DPH1: variants seen among roughly 807,000 people sequenced by gnomAD.
The protein encoded by DPH1 is diphthamide biosynthesis 1.
A neutral mutation model predicts 55.3 loss-of-function variants in DPH1; 59 were observed. That is an observed-to-expected ratio of 1.07 (90% CI 0.87 to 1.33). The LOEUF (loss-of-function observed/expected upper bound fraction) is 1.33. Ranked by LOEUF, DPH1 falls within the 40% of genes most tolerant of loss-of-function variation. The probability of loss-of-function intolerance (pLI) is 0.00; values close to 1 mark genes in which losing one functional copy is unlikely to be tolerated. For synonymous variants in DPH1, 238 were observed against 235.5 expected (o/e 1.01, Z -0.10); for missense variants, 628 against 584.8 (o/e 1.07, Z -0.76).
chr17:2,039,864 G>C, intron 7 of DPH1, 41 bp downstream of exon 7: 1 of 1,613,376 alleles, frequency 6.2e-7, no homozygotes, highest in South Asian at 1.1e-5. Context: ...CTGGTGAGGG[G>C]TGAGATTCCC....
intron 9 of DPH1, chr17:2,040,888 G>A: frequency 1.6e-6 from 1 of 642,478 alleles, no homozygotes. Flanking sequence ...ACTATCACCA[G>A]TGAGCTGCCC....
chr17:2,034,636 CCCCTT>C (rs1488914750), intron 3 of DPH1, among the ~76,000 whole-genome samples: 1 of 30,086 alleles, frequency 3.3e-5, no homozygotes, highest in Admixed American at 2.6e-4. Flanking sequence ...TCTCTCCCCT[CCCCTT>C]CCCCCTCCCC....
chr17:2,040,204 T>C lies in DPH1; in HGVS notation c.750-14T>C. 3 of 1,613,434 alleles carry C rather than the reference T, an allele frequency of 1.9e-6. No individual in the cohort carries two copies. Among genetic ancestry groups the C allele is most frequent in the Non-Finnish European group, 2.5e-6 (3 of 1,179,872 alleles). On this transcript the variant is annotated splice_polypyrimidine_tract_variant and intron_variant, in intron 7 of 12. Coordinates refer to ENST00000263083, the MANE Select transcript of DPH1 (RefSeq NM_001383.6). Reference sequence around the variant, plus strand: ...CAGTGGCTGCCACAGTGACCCTGACTGCTTCTTTTCCAGGTATGACCCATA... The same window carrying C: ...CAGTGGCTGCCACAGTGACCCTGACCGCTTCTTTTCCAGGTATGACCCATA...
At chr17:2,033,864 A>C (rs1219790036) in intron 3 of DPH1, 22 bp downstream of exon 3, 1 of 1,613,452 alleles carries the variant, frequency 6.2e-7, no homozygotes, top group Non-Finnish European at 8.5e-7. Context: ...GGCACTGGAG[A>C]GGAGGGTGAG....
At position 2,041,685 on chromosome 17, in the gene DPH1, C is replaced by T. The variant is rs2067527661; in HGVS notation, c.1227+64C>T. The T allele has an allele frequency of 2.5e-6, 4 of 1,577,478 alleles. No homozygotes were observed. The African/African-American group carries it at 5.4e-5, about 21-fold the overall frequency. ...TGGGCACTGGCCGCCGCCCTGCGAC[C>T]GCGACGGGAAACGCACAGGAGCGGA... On this transcript the variant is annotated intron_variant, in intron 11 of 12. Transcript: ENST00000263083.
Position 2,036,106 on chromosome 17 carries a change from G to A in DPH1, c.400+15G>A, listed in dbSNP as rs1229214678. On this transcript the variant is annotated intron_variant, in intron 4 of 12. Transcript: ENST00000263083. The surrounding 1 kb of genome is among the most constrained non-coding windows in gnomAD (Gnocchi z 4.8). ...CAGTTGCCTGAGTATGGTGGGGCCA[G>A]GACACCTGGACGGTGGCGGGGCTGG... 1.2e-6 allele frequency: 2 copies of A among 1,612,952 alleles called. No individual in the cohort carries two copies. Among genetic ancestry groups the A allele is most frequent in the Non-Finnish European group, 1.7e-6 (2 of 1,179,360 alleles).
rs746354384 is a variant in DPH1 at position 2,042,888 on chromosome 17, T to G, written c.*302T>G. On this transcript the variant is annotated 3_prime_UTR_variant, in exon 13 of 13. Coordinates refer to ENST00000263083, the MANE Select transcript of DPH1 (RefSeq NM_001383.6). ...TGTCTGGTTTCTGTCCCCGGGGCATTGGGTTCAAGGAATCCATCCTGCAAA... is the reference window on the plus strand; with the variant it reads ...TGTCTGGTTTCTGTCCCCGGGGCATGGGGTTCAAGGAATCCATCCTGCAAA... 1 of 1,614,072 alleles carries G rather than the reference T, an allele frequency of 6.2e-7. No homozygotes were observed. Among genetic ancestry groups the G allele is most frequent in the Non-Finnish European group, 8.5e-7 (1 of 1,180,040 alleles).
In DPH1 at chr17:2,042,786, TGC is replaced by T; in HGVS notation, c.*203_*204del. The T allele has an allele frequency of 6.2e-7, 1 of 1,612,746 alleles. No homozygotes were observed. Among genetic ancestry groups the T allele is most frequent in the Non-Finnish European group, 8.5e-7 (1 of 1,179,610 alleles). Reference sequence around the variant, plus strand: ...GCCTTCTTGGTTTCAGCCAAGGGGCTGCGCTAGCAGCCCTTGTGTGTGCCCTG... The same window carrying T: ...GCCTTCTTGGTTTCAGCCAAGGGGCTGCTAGCAGCCCTTGTGTGTGCCCTG... On this transcript the variant is annotated 3_prime_UTR_variant, in exon 13 of 13. Transcript: ENST00000263083.
In DPH1 at chr17:2,033,855, G is replaced by T; in HGVS notation, c.278+13G>T. Reference sequence around the variant, plus strand: ...ATATCTTGGAAAGGTGAGGCTTGGGGCACTGGAGAGGAGGGTGAGCCAGGC... The same window carrying T: ...ATATCTTGGAAAGGTGAGGCTTGGGTCACTGGAGAGGAGGGTGAGCCAGGC... On this transcript the variant is annotated intron_variant, in intron 3 of 12. Coordinates refer to ENST00000263083, the MANE Select transcript of DPH1 (RefSeq NM_001383.6). 1.2e-6 allele frequency: 2 copies of T among 1,613,900 alleles called. No homozygotes were observed. The highest frequency in any genetic ancestry group is 8.5e-7 in the Non-Finnish European group (1 of 1,179,984).
intron 1 of DPH1, among the ~76,000 whole-genome samples, chr17:2,032,872 C>T (rs570819104): frequency 6.6e-6 from 1 of 152,202 alleles, no homozygotes; most frequent in Non-Finnish European, 1.5e-5. Flanking sequence ...GCTGGGACTA[C>T]AGGTGCCTGC....
intron 1 of DPH1, among the ~76,000 whole-genome samples, chr17:2,031,510 C>T (rs1237509050): frequency 1.4e-5 from 2 of 138,608 alleles, no homozygotes; most frequent in Non-Finnish European, 3.0e-5. Flanking sequence ...TGCAGTGAGC[C>T]GAGATTGCAC....
intron 6 of DPH1, 27 bp from the exon 7 acceptor site, chr17:2,039,728 C>T: frequency 6.2e-7 from 1 of 1,614,080 alleles, no homozygotes; most frequent in Non-Finnish European, 8.5e-7. Flanking sequence ...CCCTAAACCA[C>T]ACTTAGCCTC....
intron 12 of DPH1, 61 bp downstream of exon 12, chr17:2,041,936 G>T (rs972061197): frequency 5.2e-6 from 8 of 1,528,500 alleles, no homozygotes; most frequent in Middle Eastern, 2.1e-4. Context: ...ACGCCTTGGC[G>T]CTCCGAGGCC....
In DPH1 at chr17:2,033,603, A is replaced by T. The variant is rs1404359429; in HGVS notation, c.160A>T (p.Asn54Tyr). The change falls in exon 2 of 13, where the codon AAC (asparagine) becomes TAC (tyrosine). Residue 54 changes from asparagine (N) to tyrosine (Y), a missense_variant. Transcript: ENST00000263083. ...AATCCGGGTCCTGCCTTCCAACTAC[A>T]ACTTTGAGATCCCCAAGACCATCTG... ...AAIRVLPSNY[N>Y]FEIPKTIWRI... 6.2e-7 allele frequency: 1 copy of T among 1,614,144 alleles called. No individual in the cohort carries two copies. Among genetic ancestry groups the T allele is most frequent in the Admixed American group, 1.7e-5 (1 of 60,014 alleles).
At position 2,041,525 on chromosome 17, in the gene DPH1, G is replaced by A. The variant is rs763295600; in HGVS notation, c.1131G>A (p.Pro377=). 4 of 1,612,972 alleles carry A rather than the reference G, an allele frequency of 2.5e-6. No individual in the cohort carries two copies. The South Asian group carries it at 3.3e-5, about 13-fold the overall frequency. The change falls in exon 11 of 13, where the codon CCG becomes CCA. Residue 377 remains proline (P), a synonymous_variant. Coordinates refer to ENST00000263083, the MANE Select transcript of DPH1 (RefSeq NM_001383.6). ...ACATTTCCTGGCAGCAGCCCTACCC[G>A]ATGGACTTCTACGCTGGCAGCTCCT... ...LRDISWQQPY[P]MDFYAGSSLG...
intron 12 of DPH1, 74 bp downstream of exon 12, chr17:2,041,949 C>T (rs2067537509): frequency 1.3e-6 from 2 of 1,524,018 alleles, no homozygotes; most frequent in Non-Finnish European, 1.8e-6. Context: ...CCGAGGCCCG[C>T]CCTCGGGGCG....
rs749495933 is a variant in DPH1 at position 2,040,206 on chromosome 17, C to T, written c.750-12C>T. ...GTGGCTGCCACAGTGACCCTGACTG[C>T]TTCTTTTCCAGGTATGACCCATATA... On this transcript the variant is annotated splice_polypyrimidine_tract_variant and intron_variant, in intron 7 of 12. Coordinates refer to ENST00000263083, the MANE Select transcript of DPH1 (RefSeq NM_001383.6). The T allele has an allele frequency of 1.2e-6, 2 of 1,613,338 alleles. No individual in the cohort carries two copies. The highest frequency in any genetic ancestry group is 2.2e-5 in the East Asian group (1 of 44,894).
In DPH1 at chr17:2,041,798, G is replaced by A. The variant is rs746403643; in HGVS notation, c.1258G>A (p.Ala420Thr). 25 of 1,606,576 alleles carry A rather than the reference G, an allele frequency of 1.6e-5. No individual in the cohort carries two copies. Among genetic ancestry groups the A allele is most frequent in the Non-Finnish European group, 2.0e-5 (23 of 1,177,286 alleles). The change falls in exon 12 of 13, where the codon GCC becomes ACC. Residue 420 changes from alanine to threonine, a missense_variant. Ala to Thr is a moderately conservative substitution (Grantham distance 58, BLOSUM62 0). Transcript: ENST00000263083. The stretch of plus-strand genomic sequence containing the variant: ...GGAGGGGTCCGCGCGTCCCCCTTCG[G>A]CCGTGGCTTGCGAGGACTGCAGCTG... ...VQEGSARPPS[A>T]VACEDCSCRD... is the part of the protein sequence containing the mutation.
In DPH1 at chr17:2,040,244, C is replaced by T. The variant is rs761184411; in HGVS notation, c.776C>T (p.Ser259Phe). Residue 259 changes from serine to phenylalanine, a missense_variant, in exon 8 of 13, where the codon TCC becomes TTC. Transcript: ENST00000263083. ...TATGACCCATATAGCAAAGTCCTAT[C>T]CAGAGAACACTATGACCACCAGCGC... ...YRYDPYSKVL[S>F]REHYDHQRMQ... 25 of 1,613,968 alleles carry T rather than the reference C, an allele frequency of 1.5e-5. No individual in the cohort carries two copies. The Admixed American group carries it at 4.0e-4, about 26-fold the overall frequency.
Sources: allele counts gnomAD v4.1 joint callset (sites outside exome capture counted in the v4.1 genomes callset), GRCh38; gene constraint gnomAD v4.1.1; non-coding constraint Gnocchi (gnomAD v3.1); transcripts MANE v1.5; gene names NCBI Gene and HGNC (gene_info 2026-07-23, HGNC 2026-07-21).